The following B3GLCT variants were observed in gnomAD, a reference collection of about 807,000 sequenced individuals.
B3GLCT encodes the protein beta-1,3-glucosyltransferase.
In B3GLCT, 65 loss-of-function variants were observed where a neutral mutation model predicts 63.4. That is an observed-to-expected ratio of 1.03 (90% CI 0.84 to 1.26). B3GLCT has a LOEUF of 1.26. Among genes scored for constraint, B3GLCT ranks in the 50% most tolerant of loss-of-function variants. B3GLCT has a pLI of 0.00. For synonymous variants in B3GLCT, 233 were observed against 219.2 expected (o/e 1.06, Z -0.55); for missense variants, 577 against 604.8 (o/e 0.95, Z 0.48).
At chr13:31,279,290 T>C (rs1164033286) in intron 10 of B3GLCT, among the ~76,000 whole-genome samples, 1 of 151,478 alleles carries the variant, frequency 6.6e-6, no homozygotes, top group Non-Finnish European at 1.5e-5. Flanking sequence ...GGGTGTTGGA[T>C]TTTTTTTTCA....
At chr13:31,317,765 G>A in intron 13 of B3GLCT, 80 bp downstream of exon 13, 1 of 1,558,898 alleles carries the variant, frequency 6.4e-7, no homozygotes, top group South Asian at 1.1e-5. Flanking sequence ...TCTGGCACTG[G>A]GATCTATACT....
Position 31,260,927 on chromosome 13 carries a change from T to G in B3GLCT, c.460-19T>G, listed in dbSNP as rs1871993623. 1 of 1,608,412 alleles carries G rather than the reference T, an allele frequency of 6.2e-7. No homozygotes were observed. The highest frequency in any genetic ancestry group is 1.1e-5 in the South Asian group (1 of 90,930). ...AAATGATTGTTTTTAAAGTGACATG[T>G]TATATCTTTATTTAACAGGAATGGT... On this transcript the variant is annotated intron_variant, in intron 6 of 14. Transcript: ENST00000343307.
chr13:31,317,808 C>G, intron 13 of B3GLCT, 123 bp downstream of exon 13: 1 of 1,178,966 alleles, frequency 8.5e-7, no homozygotes. Flanking sequence ...GTGGTTGTTA[C>G]TATAATAGGA....
chr13:31,236,195 A>G (rs185436902), intron 4 of B3GLCT, among the ~76,000 whole-genome samples: 261 of 152,324 alleles, frequency 1.7e-3, no homozygotes, highest in Non-Finnish European at 2.8e-3. Context: ...CCAAACACAC[A>G]CAGCATTAGA....
intron 12 of B3GLCT, among the ~76,000 whole-genome samples, chr13:31,290,253 T>C (rs758201609): frequency 1.3e-5 from 2 of 152,250 alleles, no homozygotes; most frequent in Non-Finnish European, 2.9e-5. Context: ...ATTTTCTTTA[T>C]CCAGTCTGTC....
chr13:31,276,977 G>A (rs376790604), intron 10 of B3GLCT, among the ~76,000 whole-genome samples: 16 of 152,208 alleles, frequency 1.1e-4, no homozygotes, highest in African/African-American at 3.4e-4. Flanking sequence ...GTATTGAAAC[G>A]TGAGTGGTCA....
chr13:31,232,164 C>T (rs1020596447), intron 4 of B3GLCT, among the ~76,000 whole-genome samples: 6 of 152,182 alleles, frequency 3.9e-5, no homozygotes, highest in East Asian at 1.9e-4. Context: ...CCGCTCATCC[C>T]CTTGTGCTTT....
At chr13:31,245,532 G>T (rs1471947752) in intron 4 of B3GLCT, among the ~76,000 whole-genome samples, 1 of 151,636 alleles carries the variant, frequency 6.6e-6, no homozygotes, top group African/African-American at 2.4e-5. Flanking sequence ...ATCATGTCTG[G>T]TTTTTTTCTA....
chr13:31,223,047 T>C, intron 3 of B3GLCT, 56 bp downstream of exon 3: 1 of 1,135,664 alleles, frequency 8.8e-7, no homozygotes, highest in South Asian at 1.3e-5. Flanking sequence ...TTTGTATGAA[T>C]TATATTTCCA....
At chr13:31,328,692 CAAAA>C (rs34729471) in intron 14 of B3GLCT, among the ~76,000 whole-genome samples, 2 of 45,440 alleles carry the variant, frequency 4.4e-5, no homozygotes, top group East Asian at 7.3e-4. Context: ...AACTCCATCT[CAAAA>C]AAAAAAAAAA....
chr13:31,208,780 G>A (rs546720246), intron 1 of B3GLCT, among the ~76,000 whole-genome samples: 145 of 152,078 alleles, frequency 9.5e-4, no homozygotes, highest in Non-Finnish European at 1.3e-3. Context: ...TCTCAACAGG[G>A]CATTCCCTCC....
At chr13:31,311,323 A>G (rs1343476019) in intron 12 of B3GLCT, 1 of 152,362 alleles carries the variant, frequency 6.6e-6, no homozygotes, top group Non-Finnish European at 1.5e-5. Flanking sequence ...CAGCAAGAAT[A>G]TAATGCTCAA....
At chr13:31,251,293 C>T (rs983518516) in intron 6 of B3GLCT, among the ~76,000 whole-genome samples, 1 of 152,174 alleles carries the variant, frequency 6.6e-6, no homozygotes, top group Non-Finnish European at 1.5e-5. Context: ...ATCCCAAAAA[C>T]CAGAACACCT....
chr13:31,293,683 T>C (rs960443167), intron 12 of B3GLCT, among the ~76,000 whole-genome samples: 1 of 152,222 alleles, frequency 6.6e-6, no homozygotes, highest in Admixed American at 6.5e-5. Flanking sequence ...TTCCTTTATT[T>C]TGAGCCTATG....
At position 31,287,935 on chromosome 13, in the gene B3GLCT, A is replaced by T. The variant is rs149594278; in HGVS notation, c.1064+1116A>T. Among the ~76,000 whole-genome samples the T allele has an allele frequency of 1.6e-3, 242 of 152,366 alleles. 6 individuals carry two copies. In the Middle Eastern group the frequency reaches 0.024, roughly 15 times the overall value. On this transcript the variant is annotated intron_variant, in intron 12 of 14. Transcript: ENST00000343307. The stretch of plus-strand genomic sequence containing the variant: ...CAGTGAACTCGAAGACATTGCAATA[A>T]TAACTATCCAAACTGAAACACAAAG...
Position 31,279,845 on chromosome 13 carries a change from C to T in B3GLCT, c.850+3074C>T, listed in dbSNP as rs114704673. Among the ~76,000 whole-genome samples, 353 of 152,272 alleles carry T rather than the reference C, an allele frequency of 2.3e-3. 2 individuals carry two copies. Among genetic ancestry groups the T allele is most frequent in the African/African-American group, 8.1e-3 (337 of 41,540 alleles). On this transcript the variant is annotated intron_variant, in intron 10 of 14. Transcript: ENST00000343307. ...TAAAAGACAGACATTTCCAAAGCGG[C>T]CATTTCAGAGACCGTCCCTTGGGAA...
In B3GLCT at chr13:31,286,801, A is replaced by G. The variant is rs794727080; in HGVS notation, c.1046A>G (p.Asp349Gly). 9.9e-6 allele frequency: 16 copies of G among 1,610,408 alleles called. No homozygotes were observed. The highest frequency in any genetic ancestry group is 1.4e-5 in the Non-Finnish European group (16 of 1,176,962). Reference sequence around the variant, plus strand: ...AAAACAGCATGGTTAGTCATTGTGGATGATGATACATTAATAAGGTAAGGA... The same window carrying G: ...AAAACAGCATGGTTAGTCATTGTGGGTGATGATACATTAATAAGGTAAGGA... Reference protein sequence around the residue: ...QDKTAWLVIVDDDTLISISRL... With the variant: ...QDKTAWLVIVGDDTLISISRL... The change falls in exon 12 of 15, where the codon GAT becomes GGT. Residue 349 changes from aspartate (D) to glycine (G), a missense_variant. Asp to Gly is a moderately conservative substitution (Grantham distance 94, BLOSUM62 -1). Coordinates refer to ENST00000343307, the MANE Select transcript of B3GLCT (RefSeq NM_194318.4).
chr13:31,268,165 A>G (rs1339453605), intron 7 of B3GLCT, among the ~76,000 whole-genome samples: 2 of 152,100 alleles, frequency 1.3e-5, no homozygotes. Flanking sequence ...TAAAATCACT[A>G]TTATTTCTTT....
chr13:31,210,307 A>G (rs954361032), intron 1 of B3GLCT, among the ~76,000 whole-genome samples: 1 of 152,222 alleles, frequency 6.6e-6, no homozygotes, highest in Non-Finnish European at 1.5e-5. Context: ...TAAAAGCATG[A>G]TTTACCCTGG....
Sources: allele counts gnomAD v4.1 joint callset (sites outside exome capture counted in the v4.1 genomes callset), GRCh38; gene constraint gnomAD v4.1.1; transcripts MANE v1.5; gene names NCBI Gene and HGNC (gene_info 2026-07-23, HGNC 2026-07-21).